Variants in RTN1 observed in about 807,000 individuals in gnomAD.
RTN1 encodes the protein reticulon 1, also known as reticulon-1.
A neutral mutation model predicts 65.5 loss-of-function variants in RTN1; 25 were observed. That is an observed-to-expected ratio of 0.38 (90% CI 0.28 to 0.53). The LOEUF (loss-of-function observed/expected upper bound fraction) is 0.53. Ranked by LOEUF, RTN1 falls within the 20% of genes least tolerant of loss-of-function variation. The pLI is 0.79. For synonymous variants in RTN1, 471 were observed against 447.6 expected, an observed-to-expected ratio of 1.05 and a Z score of -0.66; for missense variants, 983 against 1,025.4, an observed-to-expected ratio of 0.96 and a Z score of 0.57.
At chr14:59,817,104 A>G (rs1054512371) in intron 1 of RTN1, among the ~76,000 whole-genome samples, 3 of 152,048 alleles carry the variant, frequency 2.0e-5, no homozygotes, top group African/African-American at 4.8e-5. Context: ...CTTATTCAGG[A>G]AATTGTTACT....
chr14:59,633,709 C>CT (rs1410096902), intron 3 of RTN1, among the ~76,000 whole-genome samples: 1 of 152,238 alleles, frequency 6.6e-6, no homozygotes, highest in Non-Finnish European at 1.5e-5. Flanking sequence ...CAGCTTAGAA[C>CT]TTGGTTAAGG....
chr14:59,856,574 C>G (rs1887612248), intron 1 of RTN1, among the ~76,000 whole-genome samples: 1 of 152,182 alleles, frequency 6.6e-6, no homozygotes, highest in Admixed American at 6.5e-5. Context: ...GATCACTCAT[C>G]AGGACATGGG....
At chr14:59,771,111 A>G (rs1885949517) in intron 1 of RTN1, among the ~76,000 whole-genome samples, 1 of 152,164 alleles carries the variant, frequency 6.6e-6, no homozygotes, top group African/African-American at 2.4e-5. Flanking sequence ...TCCCTCATCA[A>G]CATGATCTGT....
chr14:59,844,925 C>T (rs111321244), intron 1 of RTN1, among the ~76,000 whole-genome samples: 162 of 152,260 alleles, frequency 1.1e-3, no homozygotes, highest in African/African-American at 3.8e-3. Flanking sequence ...TAAAATTTCA[C>T]TTAATATTTA....
chr14:59,739,726 GA>G (rs1450148700), intron 2 of RTN1, among the ~76,000 whole-genome samples: 1 of 152,096 alleles, frequency 6.6e-6, no homozygotes, highest in African/African-American at 2.4e-5. Flanking sequence ...TGGTGAGTGA[GA>G]AAAAGAGGGG....
intron 1 of RTN1, among the ~76,000 whole-genome samples, chr14:59,792,359 TCACACACACACA>T (rs34220909): frequency 6.1e-4 from 89 of 144,892 alleles, no homozygotes; most frequent in African/African-American, 2.0e-3. Context: ...AGAAAAGACT[TCACACACACACA>T]CACACACACA....
chr14:59,637,888 G>T (rs992360055), intron 3 of RTN1, among the ~76,000 whole-genome samples: 1 of 150,964 alleles, frequency 6.6e-6, no homozygotes, highest in Non-Finnish European at 1.5e-5. Context: ...AGTTTCACTC[G>T]TCTCCCAGGC....
intron 3 of RTN1, among the ~76,000 whole-genome samples, chr14:59,642,861 T>C (rs1354079033): frequency 2.0e-5 from 3 of 152,194 alleles, no homozygotes; most frequent in Non-Finnish European, 4.4e-5. Context: ...TAATATCTTA[T>C]AGCATGATGG....
At chr14:59,609,982 A>T in intron 3 of RTN1, 1 of 640,994 alleles carries the variant, frequency 1.6e-6, no homozygotes, top group South Asian at 1.8e-5. Context: ...TGAAGGGGGC[A>T]CTCCTTAGTG....
In RTN1 at chr14:59,798,322, TA is replaced by T. The variant is rs1886476804; in HGVS notation, c.242-51842del. Reference sequence around the variant, plus strand: ...GGGCAAGTTATATCAGCTTATAACTTAATACAAGTTATATCAGCTTGTATAT... The same window carrying T: ...GGGCAAGTTATATCAGCTTATAACTTATACAAGTTATATCAGCTTGTATAT... On this transcript the variant is annotated intron_variant, in intron 1 of 8. Coordinates refer to ENST00000267484, the MANE Select transcript of RTN1 (RefSeq NM_021136.3). Among the ~76,000 whole-genome samples the T allele has an allele frequency of 5.3e-5, 8 of 152,188 alleles. No individual in the cohort carries two copies. In the South Asian group the frequency reaches 1.7e-3, roughly 32 times the overall value.
chr14:59,744,561 A>T (rs1247086393), intron 2 of RTN1, among the ~76,000 whole-genome samples: 1 of 152,234 alleles, frequency 6.6e-6, no homozygotes, highest in Non-Finnish European at 1.5e-5. Flanking sequence ...TAGCCTAATG[A>T]AGTCTAAACT....
At chr14:59,743,684 T>G (rs1885157550) in intron 2 of RTN1, among the ~76,000 whole-genome samples, 1 of 151,832 alleles carries the variant, frequency 6.6e-6, no homozygotes, top group South Asian at 2.1e-4. Flanking sequence ...TCCATGTCCA[T>G]GCAGCTCCTC....
intron 3 of RTN1, among the ~76,000 whole-genome samples, chr14:59,680,262 C>T (rs940667835): frequency 8.6e-5 from 13 of 151,758 alleles, no homozygotes; most frequent in African/African-American, 2.7e-4. Flanking sequence ...CTTAATAGTA[C>T]TAAAAAGGAA....
chr14:59,823,023 G>A (rs1886970070), intron 1 of RTN1, among the ~76,000 whole-genome samples: 1 of 151,960 alleles, frequency 6.6e-6, no homozygotes, highest in South Asian at 2.1e-4. Context: ...ACGTCCATTT[G>A]GTCAAGTGTC....
intron 7 of RTN1, 22 bp from the exon 8 acceptor site, chr14:59,603,145 A>G: frequency 6.2e-7 from 1 of 1,610,496 alleles, no homozygotes; most frequent in Non-Finnish European, 8.5e-7. Flanking sequence ...AAAAAAAAAT[A>G]ATGAGCATAT....
intron 3 of RTN1, among the ~76,000 whole-genome samples, chr14:59,686,674 G>A (rs1407467642): frequency 6.6e-6 from 1 of 152,202 alleles, no homozygotes; most frequent in East Asian, 1.9e-4. Flanking sequence ...CCCAGCACAT[G>A]AGAGGAGCAG....
At chr14:59,691,254 T>C (rs930342476) in intron 3 of RTN1, among the ~76,000 whole-genome samples, 3 of 152,030 alleles carry the variant, frequency 2.0e-5, no homozygotes, top group Non-Finnish European at 4.4e-5. Flanking sequence ...AAAAGTTACA[T>C]TACAACTGAT....
chr14:59,704,743 C>T (rs1884255067), intron 3 of RTN1, among the ~76,000 whole-genome samples: 1 of 152,086 alleles, frequency 6.6e-6, no homozygotes, highest in African/African-American at 2.4e-5. Flanking sequence ...CTTGGGGGAG[C>T]CAGTGCTGGT....
In RTN1 at chr14:59,640,395, A is replaced by C. The variant is rs371766583; in HGVS notation, c.1766-32903T>G. On this transcript the variant is annotated intron_variant, in intron 3 of 8. Coordinates refer to ENST00000267484, the MANE Select transcript of RTN1 (RefSeq NM_021136.3). The stretch of plus-strand genomic sequence containing the variant: ...GCAGTGGCGTGATCTCAGCTCACTG[A>C]AGCCTCCACCTCCCAGGTTCAAGCG... 6.0e-4 allele frequency among the ~76,000 whole-genome samples: 91 copies of C among 152,138 alleles called. 2 individuals carry two copies. The South Asian group carries it at 7.1e-3, about 12-fold the overall frequency.
Sources: gnomAD v4.1 joint callset for allele counts (sites outside exome capture counted in the v4.1 genomes callset) on GRCh38, gnomAD v4.1.1 for gene constraint, MANE v1.5 for transcripts, NCBI Gene and HGNC (gene_info 2026-07-23, HGNC 2026-07-21) for gene names.